The following SEMA5A variants were observed in gnomAD, a reference collection of about 807,000 sequenced individuals.
SEMA5A encodes the protein semaphorin 5A.
In SEMA5A, 55 loss-of-function variants were observed where a neutral mutation model predicts 135.5. That is an observed-to-expected ratio of 0.41 (90% CI 0.33 to 0.51). The LOEUF is 0.51. Ranked by LOEUF, SEMA5A falls within the 20% of genes least tolerant of loss-of-function variation. The probability of loss-of-function intolerance (pLI) is 0.37; values close to 1 mark genes in which losing one functional copy is unlikely to be tolerated. For missense variants in SEMA5A, 1,290 were observed against 1,419.9 expected (o/e 0.91, Z 1.47); for synonymous variants, 580 against 546.5 (o/e 1.06, Z -0.85).
rs570389102 is a variant in SEMA5A, at chr5:9,341,330, C to A, written c.125-3518G>T. ...TTACTATAATTCATCATCACAATAA[C>A]AGATTTCAGTAGTAGCAGGAAAACG... On this transcript the variant is annotated intron_variant, in intron 3 of 22. Coordinates refer to ENST00000382496, the MANE Select transcript of SEMA5A (RefSeq NM_003966.3). 8.5e-5 allele frequency among the ~76,000 whole-genome samples: 13 copies of A among 152,094 alleles called. No homozygotes were observed. In the South Asian group the frequency reaches 2.5e-3, roughly 29 times the overall value.
Position 9,190,344 on chromosome 5 carries a change from T to A in SEMA5A, c.1196A>T (p.Asn399Ile), listed in dbSNP as rs1745033868. Residue 399 changes from asparagine (N) to isoleucine (I), a missense_variant, in exon 11 of 23, where the codon AAT becomes ATT. This residue lies in a region of SEMA5A where 1,029 missense variants were observed against 1,086.6 expected (regional missense o/e 0.95). Coordinates refer to ENST00000382496, the MANE Select transcript of SEMA5A (RefSeq NM_003966.3). The part of the protein sequence containing the change: ...VTTVPSFMED[N>I]SRFSHVAVDV... The stretch of plus-strand genomic sequence containing the variant: ...GACTGCCACGTGGGAAAAGCGGCTA[T>A]TGTCCTCCATGAAGGAGGGCACTGT... 3 of 1,614,092 alleles carry A rather than the reference T, an allele frequency of 1.9e-6. No homozygotes were observed. The highest frequency in any genetic ancestry group is 2.5e-6 in the Non-Finnish European group (3 of 1,180,004).
intron 4 of SEMA5A, among the ~76,000 whole-genome samples, chr5:9,335,017 T>C (rs1753320443): frequency 6.6e-6 from 1 of 152,006 alleles, no homozygotes; most frequent in African/African-American, 2.4e-5. Context: ...TCCAGGGATA[T>C]TGAATTGCAG....
intron 16 of SEMA5A, among the ~76,000 whole-genome samples, chr5:9,097,613 C>G (rs1055892468): frequency 6.6e-6 from 1 of 152,144 alleles, no homozygotes; most frequent in African/African-American, 2.4e-5. Flanking sequence ...TGATCTCCAC[C>G]TTTTCTGTAC....
intron 3 of SEMA5A, among the ~76,000 whole-genome samples, chr5:9,366,144 GT>G (rs1330816687): frequency 2.6e-5 from 4 of 152,144 alleles, no homozygotes; most frequent in African/African-American, 9.7e-5. Flanking sequence ...CTTAAAACAT[GT>G]ATGTTAATAT....
Position 9,353,098 on chromosome 5 carries a change from G to GAAAGGAAAGGAAAGGGAAAGGAAAGGA in SEMA5A, c.125-15287_125-15286insTCCTTTCCTTTCCCTTTCCTTTCCTTT, listed in dbSNP as rs1378151075. Among the ~76,000 whole-genome samples, 20 of 21,792 alleles carry GAAAGGAAAGGAAAGGGAAAGGAAAGGA rather than the reference G, an allele frequency of 9.2e-4. 6 individuals carry two copies. Among genetic ancestry groups the GAAAGGAAAGGAAAGGGAAAGGAAAGGA allele is most frequent in the African/African-American group, 4.5e-3 (18 of 3,980 alleles). The allele number at this position is 21,792 out of a possible 152,430, so 14.3% of individuals were successfully genotyped here. Reference sequence around the variant, plus strand: ...GGAAAGGAAAGGAAAGGAAAGGAAGGAAGGAAAGGAAAGGAAAGGAAAGGA... The same window carrying GAAAGGAAAGGAAAGGGAAAGGAAAGGA: ...GGAAAGGAAAGGAAAGGAAAGGAAGGAAAGGAAAGGAAAGGGAAAGGAAAGGAAAGGAAAGGAAAGGAAAGGAAAGGA... On this transcript the variant is annotated intron_variant, in intron 3 of 22. Coordinates refer to ENST00000382496, the MANE Select transcript of SEMA5A (RefSeq NM_003966.3).
intron 5 of SEMA5A, among the ~76,000 whole-genome samples, chr5:9,241,698 C>T (rs560976822): frequency 2.0e-5 from 3 of 151,940 alleles, no homozygotes; most frequent in Non-Finnish European, 4.4e-5. Context: ...AGACATACTA[C>T]GGTTAGGATA....
At position 9,526,205 on chromosome 5, in the gene SEMA5A, G is replaced by T. The variant is rs543222184; in HGVS notation, c.-175+19379C>A. Among the ~76,000 whole-genome samples, 4 of 152,292 alleles carry T rather than the reference G, an allele frequency of 2.6e-5. No homozygotes were observed. In the East Asian group the frequency reaches 7.7e-4, roughly 29 times the overall value. ...TTTATAAATATTGAAAGGTAGAGAAGAATTTGCTTGAGTGAGGAAAGTTCT... is the reference window on the plus strand; with the variant it reads ...TTTATAAATATTGAAAGGTAGAGAATAATTTGCTTGAGTGAGGAAAGTTCT... On this transcript the variant is annotated intron_variant, in intron 1 of 22. Transcript: ENST00000382496.
chr5:9,380,639 T>TA (rs1301083225), intron 2 of SEMA5A, among the ~76,000 whole-genome samples: 1 of 152,182 alleles, frequency 6.6e-6, no homozygotes, highest in East Asian at 1.9e-4. Context: ...GTGAATCAAA[T>TA]AAAATCTATA....
intron 4 of SEMA5A, among the ~76,000 whole-genome samples, chr5:9,330,473 G>T (rs961303821): frequency 6.6e-6 from 1 of 151,644 alleles, no homozygotes; most frequent in Non-Finnish European, 1.5e-5. Context: ...AATAGCAGAA[G>T]GAACAGAATG....
intron 1 of SEMA5A, among the ~76,000 whole-genome samples, chr5:9,508,777 A>C (rs1736048015): frequency 6.6e-6 from 1 of 152,138 alleles, no homozygotes; most frequent in Non-Finnish European, 1.5e-5. Context: ...GTCATGTTGC[A>C]ACTACCCATC....
chr5:9,057,241 T>C (rs1489886025), intron 18 of SEMA5A, among the ~76,000 whole-genome samples: 3 of 152,206 alleles, frequency 2.0e-5, no homozygotes, highest in African/African-American at 7.2e-5. Flanking sequence ...TACCGTATTG[T>C]GCACTCAAAA....
chr5:9,210,320 G>C (rs1017432893), intron 8 of SEMA5A, among the ~76,000 whole-genome samples: 2 of 152,160 alleles, frequency 1.3e-5, no homozygotes, highest in African/African-American at 4.8e-5. Flanking sequence ...GTACAGGATG[G>C]AGCAATACAG....
intron 1 of SEMA5A, among the ~76,000 whole-genome samples, chr5:9,503,469 C>G (rs1451149661): frequency 1.3e-5 from 2 of 152,204 alleles, no homozygotes; most frequent in African/African-American, 2.4e-5. Flanking sequence ...CAGAGCCAAA[C>G]ACAAGAGCCT....
At chr5:9,208,740 T>A (rs1470169754) in intron 8 of SEMA5A, among the ~76,000 whole-genome samples, 1 of 152,088 alleles carries the variant, frequency 6.6e-6, no homozygotes, top group Non-Finnish European at 1.5e-5. Context: ...CAGGAGCCCA[T>A]AACAAGGAGT....
chr5:9,207,900 C>CATAG lies in SEMA5A; in HGVS notation c.647-5664_647-5661dup, dbSNP rs1240683398. On this transcript the variant is annotated intron_variant, in intron 8 of 22. Transcript: ENST00000382496. The stretch of plus-strand genomic sequence containing the variant: ...AGATAGATAGATAGATAGATAGATA[C>CATAG]ATAGATAGATAGATAATAGATAGAT... Among the ~76,000 whole-genome samples, 6 of 17,790 alleles carry CATAG rather than the reference C, an allele frequency of 3.4e-4. No individual in the cohort carries two copies. The East Asian group carries it at 4.3e-3, about 13-fold the overall frequency. 11.7% of individuals were successfully genotyped at this position (17,790 alleles called of 152,430 possible). A position where few individuals can be genotyped will look rare whatever the true frequency, so the allele number is the denominator to read the frequency against.
At chr5:9,133,817 T>A (rs970386889) in intron 13 of SEMA5A, among the ~76,000 whole-genome samples, 2 of 151,576 alleles carry the variant, frequency 1.3e-5, no homozygotes, top group African/African-American at 4.8e-5. Context: ...TCTTGTTCTG[T>A]TGCCCAGGCT....
chr5:9,042,861 CTG>C lies in SEMA5A; in HGVS notation c.*34_*35del. 6.2e-7 allele frequency: 1 copy of C among 1,612,498 alleles called. No individual in the cohort carries two copies. The highest frequency in any genetic ancestry group is 8.5e-7 in the Non-Finnish European group (1 of 1,178,918). ...GTCATGGGGCACAGGCCTTGAGGAA[CTG>C]GGGATTTACAAGAAGCCAAAAACAT... is the stretch of plus-strand genomic sequence containing the variant. On this transcript the variant is annotated 3_prime_UTR_variant, in exon 23 of 23. Coordinates refer to ENST00000382496, the MANE Select transcript of SEMA5A (RefSeq NM_003966.3).
intron 1 of SEMA5A, among the ~76,000 whole-genome samples, chr5:9,515,187 G>A (rs778226719): frequency 6.6e-6 from 1 of 152,188 alleles, no homozygotes. Context: ...TCAAGTGGCT[G>A]ACGGAGCTGT....
At chr5:9,227,397 C>A (rs570951527) in intron 6 of SEMA5A, among the ~76,000 whole-genome samples, 1 of 152,188 alleles carries the variant, frequency 6.6e-6, no homozygotes, top group South Asian at 2.1e-4. Flanking sequence ...GCTCGGGAAG[C>A]AGTGCCTTGG....
Sources: allele counts gnomAD v4.1 joint callset (sites outside exome capture counted in the v4.1 genomes callset), GRCh38; gene constraint gnomAD v4.1.1; regional missense constraint gnomAD v4.1.1; transcripts MANE v1.5; gene names NCBI Gene and HGNC (gene_info 2026-07-23, HGNC 2026-07-21).